PMS1: variants seen among roughly 807,000 people sequenced by gnomAD.
The protein encoded by PMS1 is PMS1 protein homolog 1.
Under a neutral mutation model 93.1 loss-of-function variants are expected in PMS1, and 79 were observed. The observed-to-expected ratio is 0.85, with a 90% confidence interval of 0.71 to 1.02. The LOEUF is 1.02. Ranked by LOEUF, PMS1 falls within the 50% of genes least tolerant of loss-of-function variation. The pLI is 0.00. For missense variants in PMS1, 1,064 were observed against 1,085.3 expected (o/e 0.98, Z 0.28); for synonymous variants, 335 against 363.4 (o/e 0.92, Z 0.89).
At chr2:189,812,159 G>A (rs1399043028) in intron 4 of PMS1, among the ~76,000 whole-genome samples, 2 of 152,076 alleles carry the variant, frequency 1.3e-5, no homozygotes, top group East Asian at 1.9e-4. Flanking sequence ...AAATTATCTG[G>A]GTGTGGTGGT....
chr2:189,817,455 G>A (rs1013634877), intron 4 of PMS1, among the ~76,000 whole-genome samples: 1 of 152,002 alleles, frequency 6.6e-6, no homozygotes, highest in African/African-American at 2.4e-5. Context: ...AAAAGCTAGT[G>A]GTTAATCTGA....
chr2:189,804,238 G>T (rs1025494800), intron 3 of PMS1, among the ~76,000 whole-genome samples: 3 of 152,134 alleles, frequency 2.0e-5, no homozygotes, highest in African/African-American at 7.2e-5. Context: ...TAGAGAAATA[G>T]AATTCAGTTG....
intron 2 of PMS1, among the ~76,000 whole-genome samples, chr2:189,793,078 G>A (rs542395075): frequency 2.6e-5 from 4 of 152,250 alleles, no homozygotes; most frequent in Non-Finnish European, 4.4e-5. Context: ...CCAAAGTGTT[G>A]GGATTACAGG....
Position 189,864,108 on chromosome 2 carries a change from AAACAG to A in PMS1, c.2224_2228del (p.Thr742GlyfsTer8). ...CCTGATGCATGGCTAATGACATCCA[AAACAG>A]AGGTAATGTTATTAAATCCATATAG... On this transcript the variant is annotated frameshift_variant, in exon 10 of 13. Coordinates refer to ENST00000441310, the MANE Select transcript of PMS1 (RefSeq NM_000534.5). LOFTEE classifies it high-confidence loss of function. 1.2e-6 allele frequency: 2 copies of A among 1,613,612 alleles called. No homozygotes were observed. The highest frequency in any genetic ancestry group is 1.7e-6 in the Non-Finnish European group (2 of 1,179,646).
At chr2:189,868,155 A>C (rs5743173) in intron 11 of PMS1, among the ~76,000 whole-genome samples, 6,819 of 152,298 alleles carry the variant, frequency 0.045, 486 homozygotes, top group African/African-American at 0.15. Flanking sequence ...TTCATAACTA[A>C]TCAAATAGTT....
intron 9 of PMS1, among the ~76,000 whole-genome samples, chr2:189,861,582 T>C (rs1466654465): frequency 6.6e-6 from 1 of 151,954 alleles, no homozygotes; most frequent in Non-Finnish European, 1.5e-5. Context: ...AAACCCCATC[T>C]CTACTAAAAA....
At chr2:189,822,788 T>A (rs2052049169) in intron 5 of PMS1, among the ~76,000 whole-genome samples, 2 of 152,232 alleles carry the variant, frequency 1.3e-5, no homozygotes, top group Admixed American at 1.3e-4. Context: ...TTGGTTTCTA[T>A]AAAAAGTTTG....
chr2:189,852,260 A>G (rs1258177070), intron 6 of PMS1, among the ~76,000 whole-genome samples: 1 of 152,176 alleles, frequency 6.6e-6, no homozygotes, highest in Non-Finnish European at 1.5e-5. Flanking sequence ...TTTATAGGAA[A>G]AGATGGTTAA....
chr2:189,873,657 G>A lies in PMS1; in HGVS notation c.2634+1G>A, dbSNP rs1242343651. On this transcript the variant is annotated splice_donor_variant, in intron 12 of 12. Coordinates refer to ENST00000441310, the MANE Select transcript of PMS1 (RefSeq NM_000534.5). LOFTEE classifies it high-confidence loss of function. ...TCGCAAAGTGATAAGTTATTTAGAG[G>A]TACGCATTATTTTATATATATGTTA... is the stretch of plus-strand genomic sequence containing the variant. The A allele has an allele frequency of 1.2e-6, 2 of 1,600,324 alleles. No individual in the cohort carries two copies. The highest frequency in any genetic ancestry group is 8.6e-7 in the Non-Finnish European group (1 of 1,168,206).
intron 2 of PMS1, among the ~76,000 whole-genome samples, chr2:189,793,336 T>C (rs1304155267): frequency 6.6e-6 from 1 of 152,210 alleles, no homozygotes. Context: ...ATAGTCTAGA[T>C]GGGGCCTGAG....
chr2:189,790,600 A>G (rs2048772226), intron 1 of PMS1, among the ~76,000 whole-genome samples: 1 of 152,176 alleles, frequency 6.6e-6, no homozygotes, highest in Non-Finnish European at 1.5e-5. Context: ...GTCCATAATA[A>G]TAAGTATAAT....
In PMS1 at chr2:189,854,601, T is replaced by C. The variant is rs189863121; in HGVS notation, c.1329T>C (p.Asn443=). The C allele has an allele frequency of 1.2e-6, 2 of 1,613,866 alleles. No individual in the cohort carries two copies. The highest frequency in any genetic ancestry group is 1.7e-5 in the Admixed American group (1 of 60,014). The part of the protein sequence containing the change: ...KNAFQDISMS[N]VSWENSQTEY... ...CATTTCAGGACATTTCAATGAGTAA[T>C]GTATCATGGGAGAACTCTCAGACGG... Residue 443 remains asparagine (N), a synonymous_variant, in exon 9 of 13, where the codon AAT becomes AAC. Coordinates refer to ENST00000441310, the MANE Select transcript of PMS1 (RefSeq NM_000534.5).
chr2:189,824,944 A>G (rs796416617), intron 5 of PMS1, among the ~76,000 whole-genome samples: 3 of 152,186 alleles, frequency 2.0e-5, no homozygotes, highest in Admixed American at 6.5e-5. Flanking sequence ...AAGCATGCCT[A>G]CTTTCATCAT....
In PMS1 at chr2:189,790,514, T is replaced by G. The variant is rs181682584; in HGVS notation, c.-20-1276T>G. 2.0e-5 allele frequency among the ~76,000 whole-genome samples: 3 copies of G among 152,306 alleles called. No individual in the cohort carries two copies. The East Asian group carries it at 5.8e-4, about 29-fold the overall frequency. Reference sequence around the variant, plus strand: ...CCAAGATGTAGTTGGCACAGACATTTAAGGAAATATATTTGAAATAAAAAT... The same window carrying G: ...CCAAGATGTAGTTGGCACAGACATTGAAGGAAATATATTTGAAATAAAAAT... On this transcript the variant is annotated intron_variant, in intron 1 of 12. Coordinates refer to ENST00000441310, the MANE Select transcript of PMS1 (RefSeq NM_000534.5).
intron 11 of PMS1, among the ~76,000 whole-genome samples, chr2:189,871,863 C>T (rs943239541): frequency 2.6e-5 from 4 of 152,242 alleles, no homozygotes; most frequent in Non-Finnish European, 5.9e-5. Flanking sequence ...GTGCTAGCAT[C>T]TGCTTCTGGT....
At chr2:189,808,726 A>G (rs2050565892) in intron 4 of PMS1, among the ~76,000 whole-genome samples, 1 of 152,224 alleles carries the variant, frequency 6.6e-6, no homozygotes, top group South Asian at 2.1e-4. Flanking sequence ...TAATTCAGCC[A>G]TTTAAAATGA....
chr2:189,854,369 C>G lies in PMS1; in HGVS notation c.1097C>G (p.Thr366Arg). 1 of 1,602,474 alleles carries G rather than the reference C, an allele frequency of 6.2e-7. No homozygotes were observed. The highest frequency in any genetic ancestry group is 8.5e-7 in the Non-Finnish European group (1 of 1,173,626). Reference sequence around the variant, plus strand: ...ATCGTTCTTAGTAAAACAGCAGAAACAGATGTGCTTTTTAATAAAGTGGAA... The same window carrying G: ...ATCGTTCTTAGTAAAACAGCAGAAAGAGATGTGCTTTTTAATAAAGTGGAA... Reference protein sequence around the residue: ...ADIVLSKTAETDVLFNKVESS... With the variant: ...ADIVLSKTAERDVLFNKVESS... Residue 366 changes from threonine (T) to arginine (R), a missense_variant, in exon 9 of 13, where the codon ACA becomes AGA. By Grantham distance (71) the Thr-to-Arg change is moderately conservative. Transcript: ENST00000441310.
intron 4 of PMS1, among the ~76,000 whole-genome samples, chr2:189,814,307 AC>A (rs568815215): frequency 9.4e-4 from 138 of 146,476 alleles, no homozygotes; most frequent in African/African-American, 2.4e-3. Context: ...ATAGAGGAAG[AC>A]CCCCCCCCAA....
chr2:189,821,444 G>A (rs1475573952), intron 5 of PMS1, among the ~76,000 whole-genome samples: 2 of 146,340 alleles, frequency 1.4e-5, no homozygotes, highest in Non-Finnish European at 3.0e-5. Flanking sequence ...GCTACAGAGG[G>A]AGACTCCGTC....
Sources: gnomAD v4.1 joint callset for allele counts (sites outside exome capture counted in the v4.1 genomes callset) on GRCh38, gnomAD v4.1.1 for gene constraint, MANE v1.5 for transcripts, NCBI Gene and HGNC (gene_info 2026-07-23, HGNC 2026-07-21) for gene names.